AGPAT5: variants seen among roughly 807,000 people sequenced by gnomAD.
AGPAT5 encodes the protein 1-acyl-sn-glycerol-3-phosphate acyltransferase epsilon.
A neutral mutation model predicts 45.6 loss-of-function variants in AGPAT5; 46 were observed. That is an observed-to-expected ratio of 1.01 (90% CI 0.80 to 1.29). AGPAT5 has a LOEUF of 1.29. AGPAT5 is among the 50% of genes most tolerant of loss of function. The pLI, the probability that AGPAT5 is intolerant of heterozygous loss-of-function variation, is 0.00. For synonymous variants in AGPAT5, 272 were observed against 167.0 expected (o/e 1.63, Z -4.85); for missense variants, 673 against 450.7 (o/e 1.49, Z -4.47).
intron 6 of AGPAT5, among the ~76,000 whole-genome samples, chr8:6,751,079 T>C (rs917504222): frequency 2.0e-5 from 3 of 152,168 alleles, no homozygotes; most frequent in African/African-American, 4.8e-5. Context: ...CTGCTTTCAA[T>C]TGTTTATATG....
chr8:6,733,980 G>A (rs568479956), intron 4 of AGPAT5, among the ~76,000 whole-genome samples: 1 of 152,288 alleles, frequency 6.6e-6, no homozygotes, highest in South Asian at 2.1e-4. Flanking sequence ...CACTTGTCAT[G>A]TGTCTTGTTT....
rs371486349 is a variant in AGPAT5, at chr8:6,757,143, T to C, written c.870-20T>C. On this transcript the variant is annotated intron_variant, in intron 7 of 7. Coordinates refer to ENST00000285518, the MANE Select transcript of AGPAT5 (RefSeq NM_018361.5). ...ATACTGAAGTGACTAAAATCTAAAC[T>C]TTTTCCATTCTGGCCATAGGATGCT... is the stretch of plus-strand genomic sequence containing the variant. 23 of 1,586,430 alleles carry C rather than the reference T, an allele frequency of 1.4e-5. No individual in the cohort carries two copies. Among genetic ancestry groups the C allele is most frequent in the African/African-American group, 9.5e-5 (7 of 74,064 alleles).
At chr8:6,737,142 G>A (rs568486804) in intron 4 of AGPAT5, among the ~76,000 whole-genome samples, 1 of 152,152 alleles carries the variant, frequency 6.6e-6, no homozygotes, top group Non-Finnish European at 1.5e-5. Context: ...TGTTCCTAGC[G>A]CAGTGTGGAT....
intron 5 of AGPAT5, among the ~76,000 whole-genome samples, chr8:6,746,487 A>C (rs1428727044): frequency 6.6e-6 from 1 of 152,226 alleles, no homozygotes; most frequent in East Asian, 1.9e-4. Flanking sequence ...GATATTTTGA[A>C]ACTTTGGACT....
intron 6 of AGPAT5, among the ~76,000 whole-genome samples, chr8:6,754,816 T>TA: frequency 6.6e-6 from 1 of 152,310 alleles, no homozygotes; most frequent in South Asian, 2.1e-4. Context: ...CTTAATGACT[T>TA]ATGTAATTGT....
At chr8:6,721,828 A>G (rs1429323581) in intron 1 of AGPAT5, among the ~76,000 whole-genome samples, 1 of 152,112 alleles carries the variant, frequency 6.6e-6, no homozygotes, top group South Asian at 2.1e-4. Flanking sequence ...TTACATGCAC[A>G]GGGAAGGAGG....
intron 1 of AGPAT5, among the ~76,000 whole-genome samples, chr8:6,722,416 T>A (rs1387272339): frequency 3.9e-5 from 6 of 152,238 alleles, no homozygotes; most frequent in African/African-American, 9.6e-5. Context: ...TAAAAAATCA[T>A]GTTTCAAGAT....
chr8:6,719,315 A>G (rs1800427123), intron 1 of AGPAT5, among the ~76,000 whole-genome samples: 1 of 152,214 alleles, frequency 6.6e-6, no homozygotes, highest in South Asian at 2.1e-4. Context: ...TGGCAAAGAA[A>G]AGGCAAATAA....
At chr8:6,737,664 T>G (rs1801099336) in intron 4 of AGPAT5, among the ~76,000 whole-genome samples, 1 of 152,242 alleles carries the variant, frequency 6.6e-6, no homozygotes, top group Admixed American at 6.5e-5. Flanking sequence ...TCTTCCAGCT[T>G]TCACTTAAGT....
intron 3 of AGPAT5, 80 bp downstream of exon 3, chr8:6,730,906 A>G: frequency 1.2e-6 from 1 of 853,516 alleles, no homozygotes; most frequent in Non-Finnish European, 1.7e-6. Flanking sequence ...GTCTCACTTT[A>G]TTGCTCAGGC....
At chr8:6,740,232 G>T (rs1801201623) in intron 4 of AGPAT5, among the ~76,000 whole-genome samples, 1 of 151,972 alleles carries the variant, frequency 6.6e-6, no homozygotes, top group African/African-American at 2.4e-5. Context: ...TGAGTTGAAA[G>T]CTGATAGCCC....
chr8:6,708,793 T>G lies in AGPAT5; in HGVS notation c.125T>G (p.Leu42Arg), dbSNP rs779305875. 3.7e-6 allele frequency: 6 copies of G among 1,610,436 alleles called. No individual in the cohort carries two copies. The highest frequency in any genetic ancestry group is 5.1e-6 in the Non-Finnish European group (6 of 1,179,670). ...WGVWRLLSAF[L>R]PARFYQALDD... is the part of the protein sequence containing the mutation. ...GTCTGGCGGCTGCTCTCCGCCTTCC[T>G]GCCCGCCCGCTTCTACCAAGCGCTG... The change falls in exon 1 of 8, where the codon CTG (leucine) becomes CGG (arginine). Residue 42 changes from leucine to arginine, a missense_variant. Leu to Arg is a moderately radical substitution (Grantham distance 102, BLOSUM62 -2). Coordinates refer to ENST00000285518, the MANE Select transcript of AGPAT5 (RefSeq NM_018361.5).
At position 6,748,970 on chromosome 8, in the gene AGPAT5, A is replaced by G. The variant is rs149948366; in HGVS notation, c.745+1142A>G. On this transcript the variant is annotated intron_variant, in intron 6 of 7. Transcript: ENST00000285518. Reference sequence around the variant, plus strand: ...ATAGAGTAATATTTTTAACTACAACAAAACATTTATAAAAGTAGACATTAT... The same window carrying G: ...ATAGAGTAATATTTTTAACTACAACGAAACATTTATAAAAGTAGACATTAT... Among the ~76,000 whole-genome samples the G allele has an allele frequency of 1.9e-4, 29 of 152,360 alleles. 3 individuals carry two copies. Among genetic ancestry groups the G allele is most frequent in the African/African-American group, 6.5e-4 (27 of 41,582 alleles).
chr8:6,753,847 A>G (rs931020380), intron 6 of AGPAT5, among the ~76,000 whole-genome samples: 1 of 151,628 alleles, frequency 6.6e-6, no homozygotes. Flanking sequence ...GTAAGAATAC[A>G]GGGTATTTTT....
intron 1 of AGPAT5, chr8:6,709,175 G>A (rs1370611697): frequency 4.0e-6 from 2 of 497,768 alleles, no homozygotes; most frequent in African/African-American, 2.0e-5. Flanking sequence ...GGGTGCAGAT[G>A]CACGTTTTAA....
At position 6,747,715 on chromosome 8, in the gene AGPAT5, C is replaced by T. The variant is rs771265063; in HGVS notation, c.632C>T (p.Thr211Ile). 1.9e-6 allele frequency: 3 copies of T among 1,614,186 alleles called. No homozygotes were observed. The highest frequency in any genetic ancestry group is 2.2e-5 in the East Asian group (1 of 44,894). ...KHVLTPRIKA[T>I]HVAFDCMKNY... is the part of the protein sequence containing the mutation. ...GTGCTAACACCACGAATAAAGGCAA[C>T]TCACGTTGCTTTTGATTGCATGAAG... The change falls in exon 6 of 8, where the codon ACT becomes ATT. Residue 211 changes from threonine (T) to isoleucine (I), a missense_variant. Transcript: ENST00000285518.
intron 1 of AGPAT5, among the ~76,000 whole-genome samples, chr8:6,721,902 G>C (rs1049814775): frequency 6.6e-6 from 1 of 151,984 alleles, no homozygotes; most frequent in African/African-American, 2.4e-5. Context: ...TGTGTTGCCA[G>C]GGCTGGACTC....
intron 1 of AGPAT5, among the ~76,000 whole-genome samples, chr8:6,720,995 A>G (rs1800477827): frequency 6.6e-6 from 1 of 152,212 alleles, no homozygotes; most frequent in Non-Finnish European, 1.5e-5. Context: ...AAGCTTATGA[A>G]GAAGGCTTTG....
At chr8:6,748,756 C>T (rs559274255) in intron 6 of AGPAT5, among the ~76,000 whole-genome samples, 3 of 152,296 alleles carry the variant, frequency 2.0e-5, no homozygotes, top group East Asian at 3.9e-4. Flanking sequence ...CCACGCACCT[C>T]GGCCTCCCAA....
Sources: gnomAD v4.1 joint callset for allele counts (sites outside exome capture counted in the v4.1 genomes callset) on GRCh38, gnomAD v4.1.1 for gene constraint, MANE v1.5 for transcripts, NCBI Gene and HGNC (gene_info 2026-07-23, HGNC 2026-07-21) for gene names.